Variants in PCDHA1 observed in about 807,000 individuals in gnomAD.
The protein encoded by PCDHA1 is protocadherin alpha-1.
Under a neutral mutation model 61.3 loss-of-function variants are expected in PCDHA1, and 42 were observed. The observed-to-expected ratio is 0.69, with a 90% confidence interval of 0.54 to 0.89. The LOEUF is 0.89. PCDHA1 is among the 40% of genes least tolerant of loss of function. The pLI, the probability that PCDHA1 is intolerant of heterozygous loss-of-function variation, is 0.00. For missense variants in PCDHA1, 1,256 were observed against 1,235.3 expected (o/e 1.02, Z -0.25); for synonymous variants, 610 against 553.8 (o/e 1.10, Z -1.43).
Position 140,857,147 on chromosome 5 carries a change from G to A in PCDHA1, c.2394+68463G>A, listed in dbSNP as rs145115378. 1.4e-4 allele frequency: 222 copies of A among 1,598,286 alleles called. 15 individuals carry two copies. The African/African-American group carries it at 2.2e-3, about 15-fold the overall frequency. ...GAAAGAAGATGCTCAAGTGGGCACC[G>A]TCATTGCCCTAATCAGCGTTTCTGA... On this transcript the variant is annotated intron_variant, in intron 1 of 3. Coordinates refer to ENST00000504120, the MANE Select transcript of PCDHA1 (RefSeq NM_018900.4).
intron 1 of PCDHA1, chr5:140,929,053 T>C (rs781847457): frequency 6.2e-7 from 1 of 1,614,182 alleles, no homozygotes; most frequent in Non-Finnish European, 8.5e-7. Flanking sequence ...CTGCTGTCGC[T>C]CTACAGAGGA....
At chr5:140,835,989 AGCGCGCGCGATGCG>A (rs2150249668) in intron 1 of PCDHA1, 4 of 1,613,288 alleles carry the variant, frequency 2.5e-6, no homozygotes. Context: ...GTTCCAGGTG[AGCGCGCGCGATGCG>A]GGCGTGCCGC....
chr5:140,952,379 G>T (rs1384901092), intron 1 of PCDHA1, among the ~76,000 whole-genome samples: 1 of 151,322 alleles, frequency 6.6e-6, no homozygotes, highest in Non-Finnish European at 1.5e-5. Flanking sequence ...TCCTCTGCCA[G>T]GTACCCTAAA....
chr5:140,857,895 G>A lies in PCDHA1; in HGVS notation c.2394+69211G>A, dbSNP rs373881159. Reference sequence around the variant, plus strand: ...TATGAATTGCAGTCGGCGGCGGTTGGTGCACGCATCCCGTTTCGCGTGGGG... The same window carrying A: ...TATGAATTGCAGTCGGCGGCGGTTGATGCACGCATCCCGTTTCGCGTGGGG... On this transcript the variant is annotated intron_variant, in intron 1 of 3. Transcript: ENST00000504120. The A allele has an allele frequency of 3.9e-5, 62 of 1,597,752 alleles. 5 individuals carry two copies. Among genetic ancestry groups the A allele is most frequent in the Non-Finnish European group, 5.1e-5 (59 of 1,167,572 alleles).
chr5:140,801,493 G>T, intron 1 of PCDHA1: 1 of 1,614,184 alleles, frequency 6.2e-7, no homozygotes, highest in Non-Finnish European at 8.5e-7. Context: ...TGCGGGCGGA[G>T]CGCGGAGTGC....
chr5:140,922,207 T>C (rs1208986922), intron 1 of PCDHA1, among the ~76,000 whole-genome samples: 3 of 152,162 alleles, frequency 2.0e-5, no homozygotes, highest in Non-Finnish European at 2.9e-5. Context: ...AATGAAACTT[T>C]GTAAAACATT....
chr5:140,876,023 C>G, intron 1 of PCDHA1: 1 of 1,612,330 alleles, frequency 6.2e-7, no homozygotes, highest in Non-Finnish European at 8.5e-7. Flanking sequence ...AAAATAAAAA[C>G]AAAAAAAGAT....
rs2150262864 is a variant in PCDHA1 at position 140,836,525 on chromosome 5, C to T, written c.2394+47841C>T. 6.2e-6 allele frequency: 10 copies of T among 1,613,836 alleles called. No homozygotes were observed. In the South Asian group the frequency reaches 1.1e-4, roughly 18 times the overall value. On this transcript the variant is annotated intron_variant, in intron 1 of 3. Coordinates refer to ENST00000504120, the MANE Select transcript of PCDHA1 (RefSeq NM_018900.4). ...CGGTGTCCAGTCTGTTGGTGCTTAC[C>T]CTGCTGCTGTACACGGCGTTGCGGT...
chr5:140,922,643 C>T (rs1554200906), intron 1 of PCDHA1, among the ~76,000 whole-genome samples: 3 of 152,192 alleles, frequency 2.0e-5, no homozygotes, highest in African/African-American at 7.2e-5. Flanking sequence ...CTCCATCAAA[C>T]AGTAAATATG....
chr5:140,798,385 GA>G (rs1408084793), intron 1 of PCDHA1, among the ~76,000 whole-genome samples: 2 of 152,298 alleles, frequency 1.3e-5, no homozygotes, highest in African/African-American at 4.8e-5. Flanking sequence ...AGAGTATTGA[GA>G]AAAGAGACCC....
At chr5:140,945,527 C>A (rs1268496424) in intron 1 of PCDHA1, among the ~76,000 whole-genome samples, 2 of 151,828 alleles carry the variant, frequency 1.3e-5, no homozygotes, top group African/African-American at 4.8e-5. Context: ...ATAAATAAAA[C>A]AAAACATACA....
chr5:140,876,948 C>T, intron 1 of PCDHA1: 2 of 1,613,572 alleles, frequency 1.2e-6, no homozygotes, highest in Non-Finnish European at 1.7e-6. Context: ...TGGTGTCCTA[C>T]TCGCTGGTGG....
At position 140,786,992 on chromosome 5, in the gene PCDHA1, C is replaced by T. The variant is rs201112028; in HGVS notation, c.702C>T (p.Asp234=). ...TTGAGCTGCTGATCACCGTCCTCGA[C>T]GTTAATGATAACGCCCCACTGTTTG... The part of the protein sequence containing the change: ...GTVELLITVL[D]VNDNAPLFDQ... Residue 234 remains aspartate (D), a synonymous_variant, in exon 1 of 4, where the codon GAC becomes GAT. Coordinates refer to ENST00000504120, the MANE Select transcript of PCDHA1 (RefSeq NM_018900.4). 7.9e-5 allele frequency: 128 copies of T among 1,614,002 alleles called. No individual in the cohort carries two copies. Among genetic ancestry groups the T allele is most frequent in the Non-Finnish European group, 9.7e-5 (114 of 1,180,008 alleles).
rs1554225842 is a variant in PCDHA1 at position 140,962,164 on chromosome 5, C to T, written c.2395-16785C>T. Among the ~76,000 whole-genome samples the T allele has an allele frequency of 2.0e-5, 3 of 152,236 alleles. No individual in the cohort carries two copies. In the South Asian group the frequency reaches 6.2e-4, roughly 32 times the overall value. On this transcript the variant is annotated intron_variant, in intron 1 of 3. Transcript: ENST00000504120. ...TGCTGGGATTACAGGCGTGAGCCAC[C>T]ACACCCGGCCACTTATATCACTTTT...
intron 1 of PCDHA1, among the ~76,000 whole-genome samples, chr5:140,889,588 GA>G (rs2062289236): frequency 6.6e-6 from 1 of 151,768 alleles, no homozygotes; most frequent in East Asian, 1.9e-4. Context: ...TTTTTGCTTT[GA>G]AATATTTTTA....
rs155802 is a variant in PCDHA1, at chr5:140,917,330, A to C, written c.2395-61619A>C. 5.0e-3 allele frequency among the ~76,000 whole-genome samples: 514 copies of C among 103,230 alleles called. 31 individuals carry two copies. The highest frequency in any genetic ancestry group is 8.4e-3 in the Non-Finnish European group (403 of 48,222). The allele number at this position is 103,230 out of a possible 152,430, so 67.7% of individuals were successfully genotyped here. A position where few individuals can be genotyped will look rare whatever the true frequency, so the allele number is the denominator to read the frequency against. On this transcript the variant is annotated intron_variant, in intron 1 of 3. Coordinates refer to ENST00000504120, the MANE Select transcript of PCDHA1 (RefSeq NM_018900.4). ...CAATTTGGTGTTCATGTGGCGGGGG[A>C]GGGGGGGGATGGTGTAGGCTTCTGT...
intron 1 of PCDHA1, chr5:140,968,408 A>G: frequency 6.2e-7 from 1 of 1,613,980 alleles, no homozygotes; most frequent in Non-Finnish European, 8.5e-7. Flanking sequence ...GTTCTTTGTG[A>G]CTGTGGAGGC....
chr5:140,906,382 G>A (rs1384682039), intron 1 of PCDHA1, among the ~76,000 whole-genome samples: 2 of 152,072 alleles, frequency 1.3e-5, no homozygotes, highest in Non-Finnish European at 2.9e-5. Context: ...ATTACATAAA[G>A]TTAACATTTA....
At chr5:140,868,806 G>C (rs374832846) in intron 1 of PCDHA1, 8 of 356,954 alleles carry the variant, frequency 2.2e-5, no homozygotes, top group Non-Finnish European at 4.0e-5. Flanking sequence ...AAATAAGCAC[G>C]TTGGAAATAT....
Sources: allele counts gnomAD v4.1 joint callset (sites outside exome capture counted in the v4.1 genomes callset), GRCh38; gene constraint gnomAD v4.1.1; transcripts MANE v1.5; gene names NCBI Gene and HGNC (gene_info 2026-07-23, HGNC 2026-07-21).